The following REST variants were observed in gnomAD, a reference collection of about 807,000 sequenced individuals.
REST encodes RE1-silencing transcription factor.
In REST, 1 loss-of-function variant was observed where a neutral mutation model predicts 30.4. That is an observed-to-expected ratio of 0.03 (90% CI 0.01 to 0.16). The LOEUF is 0.16. Ranked by LOEUF, REST falls within the 10% of genes least tolerant of loss-of-function variation. The pLI, the probability that REST is intolerant of heterozygous loss-of-function variation, is 1.00. For synonymous variants in REST, 504 were observed against 451.1 expected, an observed-to-expected ratio of 1.12 and a Z score of -1.49; for missense variants, 1,259 against 1,329.5, an observed-to-expected ratio of 0.95 and a Z score of 0.82.
rs1430031914 is a variant in REST at position 56,932,889 on chromosome 4, A to G, written c.*737A>G. On this transcript the variant is annotated 3_prime_UTR_variant, in exon 4 of 4. Transcript: ENST00000309042. Reference sequence around the variant, plus strand: ...TAACACTTTATACATATATATATGCATGTTTATTTTGTTTGGCGTCTTTGG... The same window carrying G: ...TAACACTTTATACATATATATATGCGTGTTTATTTTGTTTGGCGTCTTTGG... 6.6e-6 allele frequency: 1 copy of G among 151,966 alleles called. No homozygotes were observed. Among genetic ancestry groups the G allele is most frequent in the Non-Finnish European group, 1.5e-5 (1 of 68,002 alleles). The allele number at this position is 151,966 out of a possible 1,614,324, so 9.4% of individuals were successfully genotyped here.
intron 3 of REST, among the ~76,000 whole-genome samples, chr4:56,921,208 C>G (rs923295931): frequency 6.6e-6 from 1 of 152,048 alleles, no homozygotes; most frequent in Non-Finnish European, 1.5e-5. Context: ...ATGTATATCC[C>G]TGTGGGAAAA....
Position 56,930,376 on chromosome 4 carries a change from A to G in REST, c.1518A>G (p.Thr506=), listed in dbSNP as rs1325045415. ...AGGTGAAAGAGATGGATGTGCATACAGGAAGCAATTCAGAAAAATTCAGTA... is the reference window on the plus strand; with the variant it reads ...AGGTGAAAGAGATGGATGTGCATACGGGAAGCAATTCAGAAAAATTCAGTA... ...VTEVKEMDVH[T]GSNSEKFSKT... is the part of the protein sequence containing the mutation. Residue 506 remains threonine (T), a synonymous_variant, in exon 4 of 4, where the codon ACA becomes ACG. Transcript: ENST00000309042. 2 of 1,613,792 alleles carry G rather than the reference A, an allele frequency of 1.2e-6. No individual in the cohort carries two copies. Among genetic ancestry groups the G allele is most frequent in the Non-Finnish European group, 8.5e-7 (1 of 1,179,988 alleles).
At position 56,929,612 on chromosome 4, in the gene REST, TAACTTG is replaced by T. The variant is rs143640765; in HGVS notation, c.983-223_983-218del. On this transcript the variant is annotated intron_variant, in intron 3 of 3. Coordinates refer to ENST00000309042, the MANE Select transcript of REST (RefSeq NM_005612.5). ...GTTCTTTAGTAGTGCTTGAGGACTCTAACTTGAACTTTTTTGAAGCTTGTGGTTAAC... is the reference window on the plus strand; with the variant it reads ...GTTCTTTAGTAGTGCTTGAGGACTCTAACTTTTTTGAAGCTTGTGGTTAAC... 0.026 allele frequency among the ~76,000 whole-genome samples: 3,957 copies of T among 152,298 alleles called. 184 individuals are homozygous for T. Among genetic ancestry groups the T allele is most frequent in the African/African-American group, 0.09 (3,753 of 41,532 alleles).
chr4:56,911,730 G>A, intron 2 of REST, 194 bp downstream of exon 2: 1 of 591,488 alleles, frequency 1.7e-6, no homozygotes, highest in Non-Finnish European at 3.0e-6. Flanking sequence ...TCTAGGTTGG[G>A]AGGATTATGT....
chr4:56,910,874 T>C lies in REST; in HGVS notation c.236T>C (p.Val79Ala), dbSNP rs1259814228. The C allele has an allele frequency of 6.2e-7, 1 of 1,613,938 alleles. No homozygotes were observed. Among genetic ancestry groups the C allele is most frequent in the Non-Finnish European group, 8.5e-7 (1 of 1,179,994 alleles). Residue 79 changes from valine (V) to alanine (A), a missense_variant, in exon 2 of 4, where the codon GTT becomes GCT. By Grantham distance (64) the Val-to-Ala change is moderately conservative. Transcript: ENST00000309042. ...EERQMAELMP[V>A]GDNNFSDSEE... Reference sequence around the variant, plus strand: ...AGACAGATGGCAGAACTGATGCCGGTTGGGGATAACAACTTTTCAGATAGT... The same window carrying C: ...AGACAGATGGCAGAACTGATGCCGGCTGGGGATAACAACTTTTCAGATAGT...
rs1316816012 is a variant in REST at position 56,933,392 on chromosome 4, T to C, written c.*1240T>C. 6.6e-6 allele frequency: 1 copy of C among 152,234 alleles called. No homozygotes were observed. Among genetic ancestry groups the C allele is most frequent in the Non-Finnish European group, 1.5e-5 (1 of 68,038 alleles). The allele number at this position is 152,234 out of a possible 1,614,324, so 9.4% of individuals were successfully genotyped here. On this transcript the variant is annotated 3_prime_UTR_variant, in exon 4 of 4. Coordinates refer to ENST00000309042, the MANE Select transcript of REST (RefSeq NM_005612.5). ...AATTATTCCTTCAAGTTTTATAGAA[T>C]ATCACTTGGGAGATTCCAAAGCCAT...
intron 3 of REST, among the ~76,000 whole-genome samples, chr4:56,925,646 C>T (rs541919973): frequency 5.3e-5 from 8 of 152,196 alleles, no homozygotes; most frequent in African/African-American, 1.7e-4. Flanking sequence ...AAGAAGAGAA[C>T]CTGTTACTAG....
intron 2 of REST, among the ~76,000 whole-genome samples, chr4:56,918,400 G>GGGA (rs1281479077): frequency 2.0e-5 from 3 of 151,904 alleles, no homozygotes; most frequent in African/African-American, 7.3e-5. Context: ...AGGCTGAAGT[G>GGGA]GGAGGATCTG....
At chr4:56,910,428 A>AT (rs199863154) in intron 1 of REST, among the ~76,000 whole-genome samples, 28 of 151,922 alleles carry the variant, frequency 1.8e-4, no homozygotes, top group Non-Finnish European at 2.2e-4. Flanking sequence ...GATAGTAGAA[A>AT]TTTTTTTTTG....
chr4:56,914,021 G>C (rs1200754923), intron 2 of REST, among the ~76,000 whole-genome samples: 1 of 151,510 alleles, frequency 6.6e-6, no homozygotes, highest in Non-Finnish European at 1.5e-5. Flanking sequence ...CTGCAGCCTT[G>C]ACCTCCTGGA....
At chr4:56,922,415 G>A (rs1288944321) in intron 3 of REST, 2 of 151,502 alleles carry the variant, frequency 1.3e-5, no homozygotes, top group Non-Finnish European at 2.9e-5. Flanking sequence ...CCAGGTTCAA[G>A]CGATTCTCCT....
chr4:56,930,577 T>G lies in REST; in HGVS notation c.1719T>G (p.Thr573=), dbSNP rs1262367163. 1.2e-6 allele frequency: 2 copies of G among 1,611,924 alleles called. No individual in the cohort carries two copies. The highest frequency in any genetic ancestry group is 1.7e-5 in the Admixed American group (1 of 59,690). ...SKVEENKKQN[T]CMKKSTKKKT... ...TGGAGGAGAATAAAAAGCAAAATAC[T>G]TGCATGAAAAAAAGTACAAAGAAGA... The change falls in exon 4 of 4, where the codon ACT becomes ACG. Residue 573 remains threonine (T), a synonymous_variant. Transcript: ENST00000309042.
chr4:56,914,065 C>T (rs1453649610), intron 2 of REST, among the ~76,000 whole-genome samples: 1 of 152,012 alleles, frequency 6.6e-6, no homozygotes, highest in African/African-American at 2.4e-5. Context: ...CCCCAGGTAG[C>T]TGGGACCACA....
chr4:56,925,612 A>G (rs932623737), intron 3 of REST, among the ~76,000 whole-genome samples: 2 of 152,346 alleles, frequency 1.3e-5, no homozygotes, highest in East Asian at 1.9e-4. Flanking sequence ...CGGAGGCATA[A>G]AACAGACAAT....
rs2037045 is a variant in REST, at chr4:56,911,997, C to A, written c.898+461C>A. Reference sequence around the variant, plus strand: ...AAAAAAAAAGTTTGTGTATTTATTTCTGTGACAGTGAACACATTTAAGATG... The same window carrying A: ...AAAAAAAAAGTTTGTGTATTTATTTATGTGACAGTGAACACATTTAAGATG... On this transcript the variant is annotated intron_variant, in intron 2 of 3. Coordinates refer to ENST00000309042, the MANE Select transcript of REST (RefSeq NM_005612.5). 4.3e-3 allele frequency among the ~76,000 whole-genome samples: 658 copies of A among 152,272 alleles called. 6 individuals carry two copies. Among genetic ancestry groups the A allele is most frequent in the African/African-American group, 0.015 (611 of 41,554 alleles).
At position 56,921,597 on chromosome 4, in the gene REST, A is replaced by G. The variant is rs147295709; in HGVS notation, c.982+1727A>G. 2.7e-3 allele frequency among the ~76,000 whole-genome samples: 404 copies of G among 152,062 alleles called. 1 individual carries two copies. The highest frequency in any genetic ancestry group is 9.3e-3 in the African/African-American group (387 of 41,498). On this transcript the variant is annotated intron_variant, in intron 3 of 3. Coordinates refer to ENST00000309042, the MANE Select transcript of REST (RefSeq NM_005612.5). ...GCTAATTTTTGTAATTTTAGTAGAGATGGGGTTTCGCCATGTTGGTCAGCT... is the reference window on the plus strand; with the variant it reads ...GCTAATTTTTGTAATTTTAGTAGAGGTGGGGTTTCGCCATGTTGGTCAGCT...
intron 2 of REST, 181 bp downstream of exon 2, chr4:56,911,717 A>G (rs1474085717): frequency 1.3e-5 from 8 of 596,614 alleles, no homozygotes; most frequent in Admixed American, 1.2e-4. Flanking sequence ...TGGAGTAACA[A>G]TATCTAGGTT....
At position 56,930,240 on chromosome 4, in the gene REST, A is replaced by G; in HGVS notation, c.1382A>G (p.Lys461Arg). ...TKIKGDVAGK[K>R]NEKSVKAEKR... ...ATAAAAGGGGATGTGGCTGGAAAGAAAAATGAAAAGTCCGTCAAAGCAGAG... is the reference window on the plus strand; with the variant it reads ...ATAAAAGGGGATGTGGCTGGAAAGAGAAATGAAAAGTCCGTCAAAGCAGAG... Residue 461 changes from lysine (K) to arginine (R), a missense_variant, in exon 4 of 4, where the codon AAA becomes AGA. By Grantham distance (26) the Lys-to-Arg change is conservative (BLOSUM62 2). Around this residue, in one of 5 missense-constraint regions of REST, gnomAD observed 856 missense variants for 772.8 expected, o/e 1.11. Transcript: ENST00000309042. 1 of 1,606,910 alleles carries G rather than the reference A, an allele frequency of 6.2e-7. No homozygotes were observed. The highest frequency in any genetic ancestry group is 8.5e-7 in the Non-Finnish European group (1 of 1,178,484).
intron 3 of REST, among the ~76,000 whole-genome samples, chr4:56,929,254 A>C (rs538876685): frequency 1.6e-3 from 242 of 152,054 alleles, no homozygotes; most frequent in Non-Finnish European, 3.0e-3. Flanking sequence ...TATTTTTAGT[A>C]GAGATGGGGT....
Sources: gnomAD v4.1 joint callset for allele counts (sites outside exome capture counted in the v4.1 genomes callset) on GRCh38, gnomAD v4.1.1 for gene constraint, gnomAD v4.1.1 regional missense constraint, MANE v1.5 for transcripts, NCBI Gene and HGNC (gene_info 2026-07-23, HGNC 2026-07-21) for gene names.